Variants in PLAGL1 observed in about 807,000 individuals in gnomAD.
The protein encoded by PLAGL1 is zinc finger protein PLAGL1.
PLAGL1 carries 1 observed loss-of-function variant against 4.6 expected under a neutral mutation model. That is an observed-to-expected ratio of 0.22 (90% confidence interval 0.08 to 1.03). PLAGL1 has a LOEUF of 1.03. Among genes scored for constraint, PLAGL1 ranks in the 50% least tolerant of loss-of-function variants. The pLI, the probability that PLAGL1 is intolerant of heterozygous loss-of-function variation, is 0.58. For synonymous variants in PLAGL1, 240 were observed against 237.8 expected, an observed-to-expected ratio of 1.01 and a Z score of -0.08; for missense variants, 464 against 570.4, an observed-to-expected ratio of 0.81 and a Z score of 1.90.
rs1395058819 is a variant in PLAGL1 at position 144,016,882 on chromosome 6, T to C, written c.-151+47586A>G. On this transcript the variant is annotated intron_variant, in intron 1 of 3. Coordinates refer to the PLAGL1 transcript ENST00000437412. This position sits in a 1 kb window ranked among gnomAD's most constrained non-coding sequence, Gnocchi z 4.2. Reference sequence around the variant, plus strand: ...TTAGAATTGACCTTCTGCTGTTTTTTTTGTTGTGAGCTTTTTCATTAGCAC... The same window carrying C: ...TTAGAATTGACCTTCTGCTGTTTTTCTTGTTGTGAGCTTTTTCATTAGCAC... Among the ~76,000 whole-genome samples, 12 of 152,236 alleles carry C rather than the reference T, an allele frequency of 7.9e-5. No homozygotes were observed. Among genetic ancestry groups the C allele is most frequent in the Admixed American group, 7.9e-4 (12 of 15,286 alleles).
rs974349496 is a variant in PLAGL1 at position 144,015,110 on chromosome 6, C to T, written c.-150-46132G>A. Among the ~76,000 whole-genome samples the T allele has an allele frequency of 3.3e-5, 5 of 152,256 alleles. No homozygotes were observed. The highest frequency in any genetic ancestry group is 2.1e-4 in the South Asian group (1 of 4,824). Reference sequence around the variant, plus strand: ...ACCCATAAGCCATGTATGGCTATGACGTAGCTAGTTCAAACTGAAATGTGC... The same window carrying T: ...ACCCATAAGCCATGTATGGCTATGATGTAGCTAGTTCAAACTGAAATGTGC... On this transcript the variant is annotated intron_variant, in intron 1 of 3. Coordinates refer to the PLAGL1 transcript ENST00000437412. This position sits in a 1 kb window ranked among gnomAD's most constrained non-coding sequence, Gnocchi z 4.3.
intron 1 of PLAGL1, among the ~76,000 whole-genome samples, chr6:143,999,392 T>G (rs1792350501): frequency 6.6e-6 from 1 of 152,186 alleles, no homozygotes; most frequent in Admixed American, 6.5e-5. Flanking sequence ...TCTCCAAATA[T>G]TCCAAATATG....
chr6:143,997,327 T>C lies in PLAGL1; in HGVS notation c.-584+10763A>G, dbSNP rs150287888. ...CTGCAAATGTCCACCAAAAGACTTG[T>C]GAATGAGTATTCACAGCAGGTCTAT... is the stretch of plus-strand genomic sequence containing the variant. On this transcript the variant is annotated intron_variant, in intron 1 of 7. Transcript: ENST00000674357. The surrounding 1 kb of genome is among the most constrained non-coding windows in gnomAD (Gnocchi z 4.6). 3.9e-3 allele frequency among the ~76,000 whole-genome samples: 600 copies of C among 152,306 alleles called. 5 individuals carry two copies. The highest frequency in any genetic ancestry group is 0.014 in the African/African-American group (580 of 41,580).
At chr6:144,025,724 T>C (rs911640240) in intron 1 of PLAGL1, among the ~76,000 whole-genome samples, 4 of 151,552 alleles carry the variant, frequency 2.6e-5, no homozygotes, top group Non-Finnish European at 4.4e-5. Context: ...ACCTTGTCTC[T>C]ACTAAAAATA....
chr6:143,976,066 T>A (rs536076040), intron 2 of PLAGL1, among the ~76,000 whole-genome samples: 3 of 152,258 alleles, frequency 2.0e-5, no homozygotes, highest in African/African-American at 7.2e-5. Context: ...CCTTATTTTT[T>A]ATTCCTTGTC....
At chr6:143,951,085 T>C (rs1434211432) in intron 6 of PLAGL1, among the ~76,000 whole-genome samples, 1 of 148,900 alleles carries the variant, frequency 6.7e-6, no homozygotes, top group Non-Finnish European at 1.5e-5. Flanking sequence ...GTGGAAAGAT[T>C]CCCCAGTTCA....
At chr6:143,993,857 A>C (rs1791074666) in intron 1 of PLAGL1, among the ~76,000 whole-genome samples, 1 of 152,172 alleles carries the variant, frequency 6.6e-6, no homozygotes, top group Admixed American at 6.6e-5. Flanking sequence ...AATTGACTGG[A>C]GACAAACAGA....
At chr6:144,062,380 C>T (rs79236853) in intron 1 of PLAGL1, among the ~76,000 whole-genome samples, 4 of 85,986 alleles carry the variant, frequency 4.7e-5, no homozygotes, top group African/African-American at 1.7e-4. Context: ...CCGTCTCAAA[C>T]AAAAAAAAAA....
upstream of PLAGL1, among the ~76,000 whole-genome samples, chr6:144,009,456 G>A (rs1239906966): frequency 6.6e-6 from 1 of 152,174 alleles, no homozygotes; most frequent in East Asian, 1.9e-4. Flanking sequence ...AGTGAGTTGG[G>A]TAAATATTTT....
intron 1 of PLAGL1, among the ~76,000 whole-genome samples, chr6:144,041,200 T>C (rs1583841511): frequency 6.6e-6 from 1 of 152,140 alleles, no homozygotes. Context: ...TATATATATA[T>C]ACTTTAAGTT....
chr6:143,981,853 G>A (rs1788019972), intron 2 of PLAGL1, among the ~76,000 whole-genome samples: 1 of 152,192 alleles, frequency 6.6e-6, no homozygotes, highest in African/African-American at 2.4e-5. Flanking sequence ...AGAGAAGGGT[G>A]TAATAAGCAA....
rs753631957 is a variant in PLAGL1 at position 144,006,575 on chromosome 6, C to CT, written c.-584+1514dup. 8.2e-3 allele frequency: 1,190 copies of CT among 145,624 alleles called. 11 individuals carry two copies. The highest frequency in any genetic ancestry group is 0.017 in the East Asian group (85 of 5,050). 9.0% of individuals were successfully genotyped at this position (145,624 alleles called of 1,614,324 possible). A position where few individuals can be genotyped will look rare whatever the true frequency, so the allele number is the denominator to read the frequency against. Reference sequence around the variant, plus strand: ...GATATCACACAGCATTCTCCGGCAACTTTTTTTTTTTTTGGTTCAACACTG... The same window carrying CT: ...GATATCACACAGCATTCTCCGGCAACTTTTTTTTTTTTTTGGTTCAACACTG... On this transcript the variant is annotated intron_variant, in intron 1 of 7. Transcript: ENST00000674357. This position sits in a 1 kb window ranked among gnomAD's most constrained non-coding sequence, Gnocchi z 4.3.
chr6:143,941,619 C>T lies in PLAGL1; in HGVS notation c.1197G>A (p.Gly399=). 1.9e-6 allele frequency: 3 copies of T among 1,614,048 alleles called. No individual in the cohort carries two copies. Among genetic ancestry groups the T allele is most frequent in the Non-Finnish European group, 2.5e-6 (3 of 1,179,974 alleles). ...LPPPATQNTF[G]NSTLALGPGE... is the part of the protein sequence containing the mutation. ...CAGGCCCCAGGGCAAGAGTGCTATT[C>T]CCAAAGGTATTTTGGGTAGCAGGAG... is the stretch of plus-strand genomic sequence containing the variant. Residue 399 remains glycine, a synonymous_variant, in exon 8 of 8, where the codon GGG becomes GGA. Coordinates refer to ENST00000674357, the MANE Select transcript of PLAGL1 (RefSeq NM_001317162.2). The surrounding 1 kb of genome is among the most constrained non-coding windows in gnomAD (Gnocchi z 6.0).
Position 144,015,742 on chromosome 6 carries a change from C to A in PLAGL1, c.-150-46764G>T, listed in dbSNP as rs1163671746. ...GACTGAAAATACCAAGGGTTGGTGA[C>A]AATGTGGAAAAACTGGAACTCTCGC... On this transcript the variant is annotated intron_variant, in intron 1 of 3. Transcript: ENST00000437412. This position sits in a 1 kb window ranked among gnomAD's most constrained non-coding sequence, Gnocchi z 4.3. 6.6e-6 allele frequency among the ~76,000 whole-genome samples: 1 copy of A among 152,110 alleles called. No homozygotes were observed. The highest frequency in any genetic ancestry group is 2.4e-5 in the African/African-American group (1 of 41,420).
At position 143,990,483 on chromosome 6, in the gene PLAGL1, C is replaced by G. The variant is rs534380318; in HGVS notation, c.-583-5309G>C. 1.3e-5 allele frequency among the ~76,000 whole-genome samples: 2 copies of G among 152,192 alleles called. No homozygotes were observed. The highest frequency in any genetic ancestry group is 2.9e-5 in the Non-Finnish European group (2 of 68,046). ...CTCCTGGTCCCACTATACTCCCACC[C>G]TTTCTCAGACAAACTTCTGAAAAGA... On this transcript the variant is annotated intron_variant, in intron 1 of 7. Coordinates refer to ENST00000674357, the MANE Select transcript of PLAGL1 (RefSeq NM_001317162.2). This position sits in a 1 kb window ranked among gnomAD's most constrained non-coding sequence, Gnocchi z 5.4.
chr6:144,026,485 G>T (rs1375579478), intron 1 of PLAGL1, among the ~76,000 whole-genome samples: 1 of 152,110 alleles, frequency 6.6e-6, no homozygotes, highest in Admixed American at 6.6e-5. Flanking sequence ...TCTCCAGAAA[G>T]AATTTATAGC....
rs571378111 is a variant in PLAGL1 at position 143,989,337 on chromosome 6, C to A, written c.-583-4163G>T. Among the ~76,000 whole-genome samples the A allele has an allele frequency of 9.8e-5, 15 of 152,290 alleles. No individual in the cohort carries two copies. The highest frequency in any genetic ancestry group is 7.8e-4 in the Admixed American group (12 of 15,304). ...GTGCCAGGTTAAACATTATTTCTGG[C>A]TACGTCCATGCAGGTATTTCTGGAT... On this transcript the variant is annotated intron_variant, in intron 1 of 7. Transcript: ENST00000674357. The surrounding 1 kb of genome is among the most constrained non-coding windows in gnomAD (Gnocchi z 4.8).
chr6:143,976,891 T>C (rs556651110), intron 2 of PLAGL1, among the ~76,000 whole-genome samples: 77 of 152,360 alleles, frequency 5.1e-4, no homozygotes, highest in Non-Finnish European at 1.1e-3. Context: ...CATAGACATG[T>C]AGTGCTACAA....
rs1793884773 is a variant in PLAGL1, at chr6:144,005,113, T to G, written c.-584+2977A>C. On this transcript the variant is annotated intron_variant, in intron 1 of 7. Transcript: ENST00000674357. The surrounding 1 kb of genome is among the most constrained non-coding windows in gnomAD (Gnocchi z 4.6). ...TATTCTTGATGATACAAGGAGCAGT[T>G]AAAACCATAAAGCAATTCTCGAATT... 6.6e-6 allele frequency: 1 copy of G among 151,940 alleles called. No homozygotes were observed. The allele number at this position is 151,940 out of a possible 1,614,324, so 9.4% of individuals were successfully genotyped here.
Sources: gnomAD v4.1 joint callset for allele counts (sites outside exome capture counted in the v4.1 genomes callset) on GRCh38, gnomAD v4.1.1 for gene constraint, Gnocchi (gnomAD v3.1) non-coding constraint, MANE v1.5 for transcripts, NCBI Gene and HGNC (gene_info 2026-07-23, HGNC 2026-07-21) for gene names.